The following MTA3 variants were observed in gnomAD, a reference collection of about 807,000 sequenced individuals.
MTA3 encodes the protein metastasis-associated protein MTA3.
Under a neutral mutation model 83.5 loss-of-function variants are expected in MTA3, and 34 were observed. That is an observed-to-expected ratio of 0.41 (90% CI 0.31 to 0.54). The LOEUF is 0.54. MTA3 is among the 20% of genes least tolerant of loss of function. MTA3 has a pLI of 0.33. For missense variants in MTA3, 761 were observed against 726.4 expected (o/e 1.05, Z -0.55); for synonymous variants, 303 against 252.7 (o/e 1.20, Z -1.89).
chr2:42,611,921 T>C, intron 4 of MTA3, among the ~76,000 whole-genome samples: 2 of 152,188 alleles, frequency 1.3e-5, no homozygotes, highest in East Asian at 3.8e-4. Flanking sequence ...CTTGCCTCAG[T>C]CTCCTGAATG....
At chr2:42,651,593 C>T (rs1401794596) in intron 6 of MTA3, among the ~76,000 whole-genome samples, 3 of 151,398 alleles carry the variant, frequency 2.0e-5, no homozygotes, top group South Asian at 2.1e-4. Flanking sequence ...GTCAGGAATT[C>T]GAGACCAGCC....
intron 2 of MTA3, among the ~76,000 whole-genome samples, chr2:42,525,718 C>T (rs1348090006): frequency 1.3e-5 from 2 of 151,678 alleles, no homozygotes; most frequent in African/African-American, 4.8e-5. Context: ...AGCACAGTGG[C>T]ACAATCTCGG....
intron 3 of MTA3, among the ~76,000 whole-genome samples, chr2:42,588,807 CATAT>C (rs10545917): frequency 7.9e-5 from 12 of 151,448 alleles, no homozygotes; most frequent in Non-Finnish European, 1.0e-4. Flanking sequence ...ATGTATTATA[CATAT>C]ATATATATGC....
At chr2:42,656,345 T>C (rs763083314) in intron 7 of MTA3, 43 bp downstream of exon 7, 5 of 1,277,986 alleles carry the variant, frequency 3.9e-6, no homozygotes, top group African/African-American at 3.0e-5. Flanking sequence ...AATTTCTTTA[T>C]ATAAAAGAAT....
intron 8 of MTA3, among the ~76,000 whole-genome samples, chr2:42,660,214 G>C (rs1171122849): frequency 6.6e-6 from 1 of 152,006 alleles, no homozygotes; most frequent in Non-Finnish European, 1.5e-5. Context: ...TCAGCCTCCT[G>C]AGTAGTTGGG....
chr2:42,755,974 A>C lies in MTA3; in HGVS notation c.*2575A>C. 1 of 985,550 alleles carries C rather than the reference A, an allele frequency of 1.0e-6. No homozygotes were observed. The highest frequency in any genetic ancestry group is 1.2e-6 in the Non-Finnish European group (1 of 829,994). 61.1% of individuals were successfully genotyped at this position (985,550 alleles called of 1,614,324 possible). On this transcript the variant is annotated 3_prime_UTR_variant, in exon 17 of 17. Coordinates refer to ENST00000405094, the MANE Select transcript of MTA3 (RefSeq NM_001330442.2). ...GCCGGAAGGTTTCAGCCTGCCCTTC[A>C]CAATTCCCCTTGTGCACAGCCCAGT...
intron 3 of MTA3, among the ~76,000 whole-genome samples, chr2:42,608,275 A>G (rs969771670): frequency 6.6e-6 from 1 of 152,228 alleles, no homozygotes; most frequent in Non-Finnish European, 1.5e-5. Context: ...GATATTTTCT[A>G]GTGCTAATAG....
rs75451836 is a variant in MTA3 at position 42,749,022 on chromosome 2, C to T, written c.1760-4352C>T. ...TGAACTCCAAATTCTGTCTTCTCAG[C>T]ACTGGACAGCTCTTGAAGTCACTGC... On this transcript the variant is annotated intron_variant, in intron 16 of 16. Transcript: ENST00000405094. Among the ~76,000 whole-genome samples, 1,504 of 152,370 alleles carry T rather than the reference C, an allele frequency of 9.9e-3. 23 individuals are homozygous for T. The highest frequency in any genetic ancestry group is 0.035 in the African/African-American group (1,443 of 41,592).
chr2:42,597,489 A>T (rs1681950734), intron 3 of MTA3, among the ~76,000 whole-genome samples: 1 of 144,698 alleles, frequency 6.9e-6, no homozygotes, highest in Non-Finnish European at 1.5e-5. Context: ...GGGTTCAAGC[A>T]ATTCTCCTGC....
rs1670171998 is a variant in MTA3 at position 42,755,361 on chromosome 2, C to T, written c.*1962C>T. On this transcript the variant is annotated 3_prime_UTR_variant, in exon 17 of 17. Transcript: ENST00000405094. The stretch of plus-strand genomic sequence containing the variant: ...TTTTCTCTGCCTTTTGGGAGAGGCC[C>T]TCTCACCCAGGCCCAAGAGATTTGG... 13 of 985,358 alleles carry T rather than the reference C, an allele frequency of 1.3e-5. No individual in the cohort carries two copies. The highest frequency in any genetic ancestry group is 1.6e-5 in the Non-Finnish European group (13 of 829,972). The allele number at this position is 985,358 out of a possible 1,614,324, so 61.0% of individuals were successfully genotyped here.
In MTA3 at chr2:42,563,318, G is replaced by A. The variant is rs149772504; in HGVS notation, c.-140-7119G>A. On this transcript the variant is annotated intron_variant, in intron 2 of 17. Coordinates refer to the MTA3 transcript ENST00000405592. ...CAAGTAGCTGGGATTACAGGCGCGCGCCACCATGCCTGGCTAATTTTTGTA... is the reference window on the plus strand; with the variant it reads ...CAAGTAGCTGGGATTACAGGCGCGCACCACCATGCCTGGCTAATTTTTGTA... Among the ~76,000 whole-genome samples the A allele has an allele frequency of 5.1e-4, 77 of 152,234 alleles. No homozygotes were observed. In the East Asian group the frequency reaches 7.3e-3, roughly 14 times the overall value.
intron 9 of MTA3, among the ~76,000 whole-genome samples, chr2:42,684,457 T>C (rs949498305): frequency 1.3e-5 from 2 of 152,224 alleles, no homozygotes; most frequent in Non-Finnish European, 2.9e-5. Flanking sequence ...CATACTTAAA[T>C]TGTTACATGC....
intron 8 of MTA3, among the ~76,000 whole-genome samples, chr2:42,664,186 AT>A (rs1194147558): frequency 6.6e-6 from 1 of 152,138 alleles, no homozygotes; most frequent in African/African-American, 2.4e-5. Context: ...TGCTTGCAAC[AT>A]TTAAATACCA....
chr2:42,721,330 CTTT>C (rs773375150), intron 15 of MTA3, among the ~76,000 whole-genome samples: 3 of 138,160 alleles, frequency 2.2e-5, no homozygotes, highest in Admixed American at 7.3e-5. Flanking sequence ...TTTTCTTTTT[CTTT>C]TTTTTTTTTT....
chr2:42,547,774 C>G (rs1368366652), intron 2 of MTA3, among the ~76,000 whole-genome samples: 1 of 152,178 alleles, frequency 6.6e-6, no homozygotes, highest in Non-Finnish European at 1.5e-5. Flanking sequence ...CACGAGGACT[C>G]AAATAAAGAA....
chr2:42,570,480 A>G lies in MTA3; in HGVS notation c.72A>G (p.Ile24Met). The G allele has an allele frequency of 6.5e-7, 1 of 1,542,856 alleles. No individual in the cohort carries two copies. Among genetic ancestry groups the G allele is most frequent in the Non-Finnish European group, 8.8e-7 (1 of 1,135,324 alleles). ...ATTCCTCCAGCAACCCATACCTAAT[A>G]AGAAGGATAGAAGAACTCAACAAGG... Reference protein sequence around the residue: ...FENSSSNPYLIRRIEELNKTA... With the variant: ...FENSSSNPYLMRRIEELNKTA... The change falls in exon 2 of 17, where the codon ATA becomes ATG. Residue 24 changes from isoleucine to methionine, a missense_variant. Transcript: ENST00000405094.
At chr2:42,504,939 G>A (rs910111800) in intron 2 of MTA3, among the ~76,000 whole-genome samples, 10 of 152,132 alleles carry the variant, frequency 6.6e-5, no homozygotes, top group Non-Finnish European at 2.9e-5. Flanking sequence ...CTCCAGTCAT[G>A]CTGCCCTGTT....
intron 8 of MTA3, among the ~76,000 whole-genome samples, chr2:42,676,975 T>C (rs1691420455): frequency 6.6e-6 from 1 of 152,224 alleles, no homozygotes; most frequent in African/African-American, 2.4e-5. Flanking sequence ...TACAGTAGTC[T>C]TTCTTTTCCA....
rs899468188 is a variant in MTA3 at position 42,755,949 on chromosome 2, G to A, written c.*2550G>A. On this transcript the variant is annotated 3_prime_UTR_variant, in exon 17 of 17. Coordinates refer to ENST00000405094, the MANE Select transcript of MTA3 (RefSeq NM_001330442.2). Reference sequence around the variant, plus strand: ...AGAGGAGGGCCGACTGGAGGGTGTCGCCGGAAGGTTTCAGCCTGCCCTTCA... The same window carrying A: ...AGAGGAGGGCCGACTGGAGGGTGTCACCGGAAGGTTTCAGCCTGCCCTTCA... 7 of 985,376 alleles carry A rather than the reference G, an allele frequency of 7.1e-6. No homozygotes were observed. In the South Asian group the frequency reaches 1.4e-4, roughly 20 times the overall value. 61.0% of individuals were successfully genotyped at this position (985,376 alleles called of 1,614,324 possible).
Sources: gnomAD v4.1 joint callset for allele counts (sites outside exome capture counted in the v4.1 genomes callset) on GRCh38, gnomAD v4.1.1 for gene constraint, MANE v1.5 for transcripts, NCBI Gene and HGNC (gene_info 2026-07-23, HGNC 2026-07-21) for gene names.